The following MICU1 variants were observed in gnomAD, a reference collection of about 807,000 sequenced individuals.
MICU1 encodes calcium uptake protein 1, mitochondrial.
A neutral mutation model predicts 56.8 loss-of-function variants in MICU1; 45 were observed. The ratio of observed to expected loss-of-function variants is 0.79; its 90% CI spans 0.62 to 1.02. The LOEUF (loss-of-function observed/expected upper bound fraction) is 1.02, where lower values mean the gene tolerates loss of function less well. Among genes scored for constraint, MICU1 ranks in the 50% least tolerant of loss-of-function variants. The pLI is 0.00. For synonymous variants in MICU1, 186 were observed against 195.1 expected (o/e 0.95, Z 0.39); for missense variants, 504 against 587.1 (o/e 0.86, Z 1.46).
At chr10:72,377,603 CT>C (rs1862567563) in intron 10 of MICU1, among the ~76,000 whole-genome samples, 1 of 152,192 alleles carries the variant, frequency 6.6e-6, no homozygotes, top group African/African-American at 2.4e-5. Flanking sequence ...GCAATTTCCA[CT>C]GCCTTCTCTC....
intron 6 of MICU1, among the ~76,000 whole-genome samples, chr10:72,507,660 T>C (rs529530277): frequency 6.6e-6 from 1 of 152,344 alleles, no homozygotes; most frequent in African/African-American, 2.4e-5. Context: ...CTGCTGTTGT[T>C]TTTGAGACAG....
chr10:72,410,226 A>G (rs931997123), intron 9 of MICU1, among the ~76,000 whole-genome samples: 4 of 152,214 alleles, frequency 2.6e-5, no homozygotes, highest in Non-Finnish European at 5.9e-5. Context: ...CATTGTGTGA[A>G]TATACCACAA....
At chr10:72,474,618 G>C (rs764265714) in intron 8 of MICU1, among the ~76,000 whole-genome samples, 3 of 152,092 alleles carry the variant, frequency 2.0e-5, no homozygotes, top group Non-Finnish European at 4.4e-5. Context: ...TAGCCTCCCG[G>C]GTAGCTGGGA....
intron 5 of MICU1, among the ~76,000 whole-genome samples, chr10:72,508,841 T>C (rs983812006): frequency 6.6e-6 from 1 of 152,208 alleles, no homozygotes; most frequent in Admixed American, 6.5e-5. Flanking sequence ...TGAAATATAA[T>C]GCCAAATCAG....
chr10:72,598,538 C>T (rs990185847), intron 1 of MICU1, among the ~76,000 whole-genome samples: 3 of 151,994 alleles, frequency 2.0e-5, no homozygotes, highest in African/African-American at 7.3e-5. Flanking sequence ...TTACAGGTGT[C>T]AGCCACCGTG....
intron 7 of MICU1, among the ~76,000 whole-genome samples, 170 bp from the exon 8 acceptor site, chr10:72,475,467 C>T (rs934343112): frequency 3.3e-5 from 5 of 149,984 alleles, no homozygotes; most frequent in African/African-American, 9.9e-5. Context: ...CTCTCTCTGT[C>T]ACCCAGTCTG....
At chr10:72,529,316 G>A (rs917654614) in intron 5 of MICU1, among the ~76,000 whole-genome samples, 11 of 152,042 alleles carry the variant, frequency 7.2e-5, no homozygotes, top group African/African-American at 2.7e-4. Flanking sequence ...GGGGAAAGGG[G>A]AATCAATAGG....
At chr10:72,370,901 G>C (rs1293751936) in intron 11 of MICU1, among the ~76,000 whole-genome samples, 1 of 151,958 alleles carries the variant, frequency 6.6e-6, no homozygotes, top group Non-Finnish European at 1.5e-5. Context: ...CATGGTGGTG[G>C]GCGCCTGTAA....
chr10:72,572,250 T>C (rs1391581550), intron 1 of MICU1, among the ~76,000 whole-genome samples: 1 of 152,100 alleles, frequency 6.6e-6, no homozygotes, highest in Non-Finnish European at 1.5e-5. Flanking sequence ...ATTTAATTAA[T>C]TTCATTTAGG....
chr10:72,429,229 G>A (rs1864445637), intron 8 of MICU1, among the ~76,000 whole-genome samples: 2 of 152,008 alleles, frequency 1.3e-5, no homozygotes, highest in Admixed American at 1.3e-4. Flanking sequence ...AGACCAGCCT[G>A]GTCAACATGG....
At chr10:72,620,231 C>G (rs1463250398) in intron 1 of MICU1, among the ~76,000 whole-genome samples, 1 of 152,194 alleles carries the variant, frequency 6.6e-6, no homozygotes, top group East Asian at 1.9e-4. Context: ...GTCGCCCAGG[C>G]TGGTGTACAG....
intron 8 of MICU1, among the ~76,000 whole-genome samples, chr10:72,445,593 G>A (rs2132195354): frequency 6.6e-6 from 1 of 152,200 alleles, no homozygotes; most frequent in South Asian, 2.1e-4. Context: ...TCCCTGTTTT[G>A]GCTCTCTGGA....
At chr10:72,390,538 A>G (rs960752418) in intron 10 of MICU1, among the ~76,000 whole-genome samples, 5 of 152,164 alleles carry the variant, frequency 3.3e-5, no homozygotes, top group Non-Finnish European at 5.9e-5. Flanking sequence ...TGCAGTATAC[A>G]GTGTTCTTCA....
intron 8 of MICU1, among the ~76,000 whole-genome samples, chr10:72,445,217 A>G (rs937069386): frequency 3.2e-4 from 48 of 152,354 alleles, no homozygotes; most frequent in African/African-American, 1.1e-3. Flanking sequence ...GTCTGAAACT[A>G]TGCTGGAAGG....
chr10:72,401,920 A>T (rs1863468422), intron 10 of MICU1, among the ~76,000 whole-genome samples: 1 of 152,102 alleles, frequency 6.6e-6, no homozygotes, highest in African/African-American at 2.4e-5. Context: ...TGCTTCTATG[A>T]GTTCAACTCC....
chr10:72,417,773 C>G (rs899030239), intron 9 of MICU1, among the ~76,000 whole-genome samples: 1 of 152,182 alleles, frequency 6.6e-6, no homozygotes, highest in Non-Finnish European at 1.5e-5. Context: ...AGAGATAAAA[C>G]AGCTAGAGAC....
chr10:72,534,324 C>A (rs779256659), intron 4 of MICU1, among the ~76,000 whole-genome samples: 2 of 151,824 alleles, frequency 1.3e-5, no homozygotes, highest in African/African-American at 2.4e-5. Context: ...ATTCTGTGCA[C>A]TGTGAAAAAT....
intron 1 of MICU1, among the ~76,000 whole-genome samples, chr10:72,571,118 C>T (rs957346962): frequency 6.6e-6 from 1 of 152,202 alleles, no homozygotes; most frequent in African/African-American, 2.4e-5. Context: ...AATCCCAGCA[C>T]TTTGGGAGGC....
intron 1 of MICU1, among the ~76,000 whole-genome samples, chr10:72,568,747 CTTTTTTTTT>C (rs72319510): frequency 1.8e-5 from 1 of 55,548 alleles, no homozygotes. Flanking sequence ...AGTTCTTATT[CTTTTTTTTT>C]TTTTTTTTTT....
Sources: gnomAD v4.1 joint callset for allele counts (sites outside exome capture counted in the v4.1 genomes callset) on GRCh38, gnomAD v4.1.1 for gene constraint, MANE v1.5 for transcripts, NCBI Gene and HGNC (gene_info 2026-07-23, HGNC 2026-07-21) for gene names.